Variants in DGKG observed in about 807,000 individuals in gnomAD.
DGKG encodes the protein DAG kinase gamma.
A neutral mutation model predicts 105.3 loss-of-function variants in DGKG; 78 were observed. The observed-to-expected ratio is 0.74, with a 90% CI of 0.62 to 0.89. DGKG has a LOEUF of 0.89. DGKG is among the 40% of genes least tolerant of loss of function. The pLI, the probability that DGKG is intolerant of heterozygous loss-of-function variation, is 0.00. For missense variants in DGKG, 958 were observed against 1,020.1 expected (o/e 0.94, Z 0.83); for synonymous variants, 346 against 367.1 (o/e 0.94, Z 0.66).
rs138469006 is a variant in DGKG, at chr3:186,231,870, G to A, written c.1826+10634C>T. ...CTGAAGGCGGCCATGTCAGTGAGCC[G>A]AGATAGAGCCACTGACTCCAGCCTG... On this transcript the variant is annotated intron_variant, in intron 20 of 24. Transcript: ENST00000265022. The surrounding 1 kb of genome is among the most constrained non-coding windows in gnomAD (Gnocchi z 4.5). Among the ~76,000 whole-genome samples the A allele has an allele frequency of 1.4e-3, 213 of 152,266 alleles. 1 individual carries two copies. The highest frequency in any genetic ancestry group is 4.9e-3 in the African/African-American group (204 of 41,544).
Position 186,170,227 on chromosome 3 carries a change from G to A in DGKG, c.2096-5209C>T, listed in dbSNP as rs528261963. Reference sequence around the variant, plus strand: ...TGTGTGAGCATAGGAGCTAGGCATCGGTCTTTGTTTTTAAAGATTTCCAGA... The same window carrying A: ...TGTGTGAGCATAGGAGCTAGGCATCAGTCTTTGTTTTTAAAGATTTCCAGA... On this transcript the variant is annotated intron_variant, in intron 22 of 24. Transcript: ENST00000265022. Among the ~76,000 whole-genome samples, 11 of 152,282 alleles carry A rather than the reference G, an allele frequency of 7.2e-5. No homozygotes were observed. The East Asian group carries it at 7.7e-4, about 11-fold the overall frequency.
chr3:186,246,658 T>A (rs574304631), intron 19 of DGKG, among the ~76,000 whole-genome samples: 4 of 152,332 alleles, frequency 2.6e-5, no homozygotes, highest in Non-Finnish European at 5.9e-5. Flanking sequence ...TGTATTAGTA[T>A]CTTCATGGCT....
chr3:186,335,894 T>C (rs1216543809), intron 1 of DGKG, among the ~76,000 whole-genome samples: 1 of 152,206 alleles, frequency 6.6e-6, no homozygotes, highest in Non-Finnish European at 1.5e-5. Context: ...CCACACAATA[T>C]AGGATTAAAT....
intron 23 of DGKG, 35 bp from the exon 24 acceptor site, chr3:186,161,698 T>A: frequency 1.2e-6 from 2 of 1,613,908 alleles, no homozygotes; most frequent in South Asian, 2.2e-5. Flanking sequence ...CACAGTGAGC[T>A]TTTTCAAGTG....
chr3:186,253,027 C>A, intron 18 of DGKG, 66 bp downstream of exon 18: 1 of 1,411,496 alleles, frequency 7.1e-7, no homozygotes, highest in South Asian at 1.2e-5. Flanking sequence ...CAGCCTAGCT[C>A]TGTAGAGCAT....
chr3:186,177,819 T>A (rs1717157293), intron 22 of DGKG, among the ~76,000 whole-genome samples: 1 of 152,212 alleles, frequency 6.6e-6, no homozygotes, highest in Admixed American at 6.5e-5. Context: ...CATAAGTAGG[T>A]ATTCAATAAA....
At chr3:186,253,037 T>C in intron 18 of DGKG, 56 bp downstream of exon 18, 1 of 1,484,076 alleles carries the variant, frequency 6.7e-7, no homozygotes. Context: ...CTGTAGAGCA[T>C]CTCTGTAAAC....
intron 21 of DGKG, among the ~76,000 whole-genome samples, chr3:186,195,721 C>T (rs2300710): frequency 0.47 from 72,088 of 152,074 alleles, 20,406 homozygotes; most frequent in East Asian, 0.74. Flanking sequence ...TGTAGTGTTG[C>T]GCAGATTCTG....
intron 22 of DGKG, among the ~76,000 whole-genome samples, chr3:186,172,357 A>G (rs1560079835): frequency 6.6e-6 from 1 of 152,160 alleles, no homozygotes; most frequent in East Asian, 1.9e-4. Flanking sequence ...TGGGGCTGCC[A>G]TGGAGCAGCC....
chr3:186,322,840 A>G (rs1279840248), intron 1 of DGKG, among the ~76,000 whole-genome samples: 3 of 152,150 alleles, frequency 2.0e-5, no homozygotes, highest in Non-Finnish European at 1.5e-5. Flanking sequence ...CAGTGTCCCC[A>G]GCCGCTCGGG....
intron 21 of DGKG, among the ~76,000 whole-genome samples, chr3:186,196,199 G>A (rs1428662312): frequency 2.1e-5 from 3 of 146,076 alleles, no homozygotes; most frequent in South Asian, 2.1e-4. Context: ...GTGCAGTGGC[G>A]TGATCTTGGC....
rs552159011 is a variant in DGKG, at chr3:186,217,740, C to T, written c.1827-5855G>A. ...TGGCCATTCACTTTACCAGCAGAGG[C>T]TACGCACTCAGCTTCCTATGCCACC... On this transcript the variant is annotated intron_variant, in intron 20 of 24. Coordinates refer to ENST00000265022, the MANE Select transcript of DGKG (RefSeq NM_001346.3). Among the ~76,000 whole-genome samples, 11 of 152,320 alleles carry T rather than the reference C, an allele frequency of 7.2e-5. No homozygotes were observed. In the South Asian group the frequency reaches 2.1e-3, roughly 29 times the overall value.
In DGKG at chr3:186,211,903, G is replaced by C; in HGVS notation, c.1827-18C>G. On this transcript the variant is annotated intron_variant, in intron 20 of 24. Coordinates refer to ENST00000265022, the MANE Select transcript of DGKG (RefSeq NM_001346.3). ...TCTTCATCCTGGACCACAAAGCAGA[G>C]AGATGTCTCAATATTCCATACTTGA... is the stretch of plus-strand genomic sequence containing the variant. 6.3e-7 allele frequency: 1 copy of C among 1,595,048 alleles called. No homozygotes were observed. The highest frequency in any genetic ancestry group is 8.6e-7 in the Non-Finnish European group (1 of 1,162,672).
intron 1 of DGKG, among the ~76,000 whole-genome samples, chr3:186,348,385 T>TC (rs1453950198): frequency 6.8e-5 from 10 of 147,798 alleles, no homozygotes; most frequent in Non-Finnish European, 3.0e-5. Flanking sequence ...TTTTTTTTTT[T>TC]CCTTGTCTGA....
At chr3:186,339,108 T>C (rs11710538) in intron 1 of DGKG, among the ~76,000 whole-genome samples, 150,340 of 152,316 alleles carry the variant, frequency 0.99, 74,223 homozygotes, top group South Asian at 1. Flanking sequence ...TTCTAGTTAG[T>C]TTATCCTTTC....
In DGKG at chr3:186,231,673, C is replaced by T. The variant is rs1720159144; in HGVS notation, c.1826+10831G>A. ...GTCACTCACGCCTGTAATCCCAGCA[C>T]TTTGGGAAGCCTAGGTGGTTGGATC... On this transcript the variant is annotated intron_variant, in intron 20 of 24. Coordinates refer to ENST00000265022, the MANE Select transcript of DGKG (RefSeq NM_001346.3). The surrounding 1 kb of genome is among the most constrained non-coding windows in gnomAD (Gnocchi z 4.5). Among the ~76,000 whole-genome samples the T allele has an allele frequency of 6.6e-6, 1 of 152,178 alleles. No individual in the cohort carries two copies. The highest frequency in any genetic ancestry group is 6.5e-5 in the Admixed American group (1 of 15,278).
At chr3:186,243,343 G>A (rs928372685) in intron 19 of DGKG, among the ~76,000 whole-genome samples, 1 of 152,002 alleles carries the variant, frequency 6.6e-6, no homozygotes, top group East Asian at 1.9e-4. Context: ...CCACACTAGC[G>A]GCCCCCTGCA....
chr3:186,357,259 A>T (rs4686765), intron 1 of DGKG, among the ~76,000 whole-genome samples: 45,686 of 151,904 alleles, frequency 0.3, 7,359 homozygotes, highest in East Asian at 0.47. Context: ...TGCACTCTTG[A>T]TATGTGATTC....
chr3:186,194,009 C>G (rs1483389072), intron 21 of DGKG, among the ~76,000 whole-genome samples: 1 of 152,198 alleles, frequency 6.6e-6, no homozygotes, highest in Non-Finnish European at 1.5e-5. Flanking sequence ...CCTGGGTGCG[C>G]CGGCGGCCAG....
Sources: gnomAD v4.1 joint callset for allele counts (sites outside exome capture counted in the v4.1 genomes callset) on GRCh38, gnomAD v4.1.1 for gene constraint, Gnocchi (gnomAD v3.1) non-coding constraint, MANE v1.5 for transcripts, NCBI Gene and HGNC (gene_info 2026-07-23, HGNC 2026-07-21) for gene names.